Variants in ADAM12 observed in about 807,000 individuals in gnomAD.
The protein encoded by ADAM12 is disintegrin and metalloproteinase domain-containing protein 12.
ADAM12 carries 70 observed loss-of-function variants against 106.4 expected under a neutral mutation model. The observed-to-expected ratio is 0.66, with a 90% CI of 0.54 to 0.80. The LOEUF (loss-of-function observed/expected upper bound fraction) is 0.80, where lower values mean the gene tolerates loss of function less well. ADAM12 is among the 30% of genes least tolerant of loss of function. The pLI is 0.00. For missense variants in ADAM12, 1,010 were observed against 1,171.9 expected (o/e 0.86, Z 2.02); for synonymous variants, 420 against 433.5 (o/e 0.97, Z 0.39).
At chr10:126,095,607 A>G (rs961612438) in intron 10 of ADAM12, among the ~76,000 whole-genome samples, 1 of 150,648 alleles carries the variant, frequency 6.6e-6, no homozygotes, top group Admixed American at 6.6e-5. Flanking sequence ...TAATCCATTC[A>G]TGGACTAATG....
At chr10:126,179,439 A>C (rs1028453320) in intron 3 of ADAM12, among the ~76,000 whole-genome samples, 3 of 152,260 alleles carry the variant, frequency 2.0e-5, no homozygotes, top group African/African-American at 7.2e-5. Flanking sequence ...TCTTCCACCA[A>C]GAGTGGTAAT....
intron 3 of ADAM12, among the ~76,000 whole-genome samples, chr10:126,195,969 G>C (rs1957590208): frequency 6.6e-6 from 1 of 152,190 alleles, no homozygotes; most frequent in African/African-American, 2.4e-5. Context: ...AGTGGGGCAG[G>C]GGTTAGCGGA....
chr10:126,049,344 C>T lies in ADAM12; in HGVS notation c.1826G>A (p.Arg609Gln), dbSNP rs368040079. ...CACGTGGGTCCCCCGGCACAGAATC[C>T]GGCCTCCTTGCTGCAGGGGGATGTT... ...ETNIPLQQGG[R>Q]ILCRGTHVYL... is the part of the protein sequence containing the mutation. Residue 609 changes from arginine (R) to glutamine (Q), a missense_variant, in exon 16 of 23, where the codon CGG becomes CAG. Arg to Gln is a conservative substitution (Grantham distance 43, BLOSUM62 1). Around this residue, in one of 3 missense-constraint regions of ADAM12, gnomAD observed 615 missense variants for 708.5 expected, o/e 0.87. Coordinates refer to ENST00000448723, the MANE Select transcript of ADAM12 (RefSeq NM_001288973.2). The surrounding 1 kb of genome is among the most constrained non-coding windows in gnomAD (Gnocchi z 4.4). 50 of 1,614,110 alleles carry T rather than the reference C, an allele frequency of 3.1e-5. No individual in the cohort carries two copies. The highest frequency in any genetic ancestry group is 6.7e-5 in the East Asian group (3 of 44,904).
At chr10:126,147,449 A>G (rs2133704922) in intron 4 of ADAM12, among the ~76,000 whole-genome samples, 1 of 152,240 alleles carries the variant, frequency 6.6e-6, no homozygotes, top group South Asian at 2.1e-4. Context: ...CGCCTTGAGG[A>G]AGGCCTTTAT....
chr10:126,350,362 G>A (rs1472480802), intron 1 of ADAM12, among the ~76,000 whole-genome samples: 1 of 152,182 alleles, frequency 6.6e-6, no homozygotes, highest in African/African-American at 2.4e-5. Flanking sequence ...CTCTCCTCTT[G>A]AAAATACACA....
At chr10:126,200,186 G>A (rs1041655055) in intron 3 of ADAM12, among the ~76,000 whole-genome samples, 1 of 152,188 alleles carries the variant, frequency 6.6e-6, no homozygotes, top group African/African-American at 2.4e-5. Context: ...TTGGCAAGAA[G>A]TGCAGCTCAC....
At chr10:126,231,449 A>G (rs1958309244) in intron 3 of ADAM12, among the ~76,000 whole-genome samples, 1 of 151,642 alleles carries the variant, frequency 6.6e-6, no homozygotes. Flanking sequence ...TCTTAATAAT[A>G]TCTACCCTTA....
intron 10 of ADAM12, 65 bp from the exon 11 acceptor site, chr10:126,094,198 C>T (rs1414573798): frequency 3.3e-6 from 5 of 1,500,110 alleles, no homozygotes; most frequent in African/African-American, 2.8e-5. Flanking sequence ...TCCCAGGTCT[C>T]CCTCCCCACA....
chr10:126,279,004 CAA>C lies in ADAM12; in HGVS notation c.187-18_187-17del. 1.2e-6 allele frequency: 2 copies of C among 1,606,084 alleles called. No individual in the cohort carries two copies. The highest frequency in any genetic ancestry group is 1.3e-5 in the African/African-American group (1 of 74,882). On this transcript the variant is annotated splice_polypyrimidine_tract_variant and intron_variant, in intron 2 of 22. Transcript: ENST00000448723. ...CTGGATGATTCTGAAAGATAAACAA[CAA>C]AAGTCAGTTGAAAAACGCTTGGCTT... is the stretch of plus-strand genomic sequence containing the variant.
intron 6 of ADAM12, among the ~76,000 whole-genome samples, chr10:126,112,549 G>A (rs1471668231): frequency 6.6e-6 from 1 of 151,984 alleles, no homozygotes; most frequent in Non-Finnish European, 1.5e-5. Flanking sequence ...ACCAGTTCCT[G>A]GGCCTCTCAA....
chr10:126,022,026 G>A (rs1242330308), intron 21 of ADAM12, among the ~76,000 whole-genome samples: 1 of 152,158 alleles, frequency 6.6e-6, no homozygotes, highest in African/African-American at 2.4e-5. Context: ...TACTAGTTTT[G>A]CTGCTAAGTA....
chr10:126,225,065 G>C (rs1386583572), intron 3 of ADAM12, among the ~76,000 whole-genome samples: 2 of 152,242 alleles, frequency 1.3e-5, no homozygotes, highest in African/African-American at 4.8e-5. Flanking sequence ...AAGAGGGCGG[G>C]ATCCTCTGAG....
chr10:126,166,904 T>A (rs915968650), intron 3 of ADAM12, among the ~76,000 whole-genome samples: 25 of 152,214 alleles, frequency 1.6e-4, no homozygotes, highest in Non-Finnish European at 1.5e-5. Flanking sequence ...GTAAACCTGA[T>A]AAACGATTAC....
chr10:126,237,935 G>C (rs1037523408), intron 3 of ADAM12, among the ~76,000 whole-genome samples: 1 of 152,184 alleles, frequency 6.6e-6, no homozygotes, highest in African/African-American at 2.4e-5. Flanking sequence ...CTGAACTCAG[G>C]AGTGACACAC....
At chr10:126,101,994 C>T (rs1273117354) in intron 8 of ADAM12, among the ~76,000 whole-genome samples, 1 of 152,158 alleles carries the variant, frequency 6.6e-6, no homozygotes, top group Admixed American at 6.5e-5. Flanking sequence ...TGCCTGCCCC[C>T]ACCATCTTTG....
At chr10:126,125,523 A>G (rs530788331) in intron 5 of ADAM12, among the ~76,000 whole-genome samples, 1 of 152,200 alleles carries the variant, frequency 6.6e-6, no homozygotes, top group African/African-American at 2.4e-5. Flanking sequence ...AATTACAGGC[A>G]TGAGCCACTG....
intron 3 of ADAM12, 48 bp downstream of exon 3, chr10:126,278,867 T>G (rs781008677): frequency 1.4e-6 from 2 of 1,409,256 alleles, no homozygotes; most frequent in South Asian, 2.5e-5. Flanking sequence ...TTTCTGTCCA[T>G]GGTGTCTTAA....
rs145682192 is a variant in ADAM12 at position 126,044,676 on chromosome 10, G to A, written c.1995+1379C>T. 1.5e-4 allele frequency among the ~76,000 whole-genome samples: 23 copies of A among 152,306 alleles called. 1 individual carries two copies. The highest frequency in any genetic ancestry group is 4.8e-4 in the African/African-American group (20 of 41,566). ...CATGTAATGCTTTCCTGCTTCAACC[G>A]ACTTGTTTTGATGAATCAACCACCT... On this transcript the variant is annotated intron_variant, in intron 17 of 22. Transcript: ENST00000448723.
intron 3 of ADAM12, among the ~76,000 whole-genome samples, chr10:126,160,803 T>C (rs1354610532): frequency 2.6e-5 from 4 of 152,218 alleles, no homozygotes; most frequent in African/African-American, 7.2e-5. Context: ...CACACTGTGC[T>C]CACTTTTCCC....
Sources: allele counts gnomAD v4.1 joint callset (sites outside exome capture counted in the v4.1 genomes callset), GRCh38; gene constraint gnomAD v4.1.1; regional missense constraint gnomAD v4.1.1; non-coding constraint Gnocchi (gnomAD v3.1); transcripts MANE v1.5; gene names NCBI Gene and HGNC (gene_info 2026-07-23, HGNC 2026-07-21).